ARV1: variants seen among roughly 807,000 people sequenced by gnomAD.
The protein encoded by ARV1 is protein ARV1.
Under a neutral mutation model 31.1 loss-of-function variants are expected in ARV1, and 26 were observed. The ratio of observed to expected loss-of-function variants is 0.84; its 90% confidence interval spans 0.61 to 1.16. The LOEUF is 1.16. ARV1 is among the 50% of genes most tolerant of loss of function. ARV1 has a pLI of 0.00. For missense variants in ARV1, 281 were observed against 324.9 expected (o/e 0.86, Z 1.04); for synonymous variants, 117 against 123.2 (o/e 0.95, Z 0.34).
chr1:230,990,307 C>T, intron 3 of ARV1, 44 bp downstream of exon 3: 1 of 1,599,134 alleles, frequency 6.3e-7, no homozygotes, highest in Non-Finnish European at 8.5e-7. Context: ...ACTATTCTTA[C>T]TTAACTAATC....
intron 1 of ARV1, among the ~76,000 whole-genome samples, chr1:230,988,070 T>C (rs1391125470): frequency 6.6e-6 from 1 of 152,244 alleles, no homozygotes; most frequent in African/African-American, 2.4e-5. Flanking sequence ...TTAAATTAGA[T>C]ATATTTTTAG....
chr1:230,993,209 G>A (rs543858653), intron 3 of ARV1, among the ~76,000 whole-genome samples: 28 of 152,082 alleles, frequency 1.8e-4, no homozygotes, highest in African/African-American at 5.8e-4. Flanking sequence ...CCCTGCCTCC[G>A]TCTCCTGAGT....
intron 1 of ARV1, 117 bp downstream of exon 1, chr1:230,979,396 G>A: frequency 3.4e-6 from 4 of 1,185,744 alleles, no homozygotes; most frequent in Non-Finnish European, 4.8e-6. Flanking sequence ...ATTCCCGCCC[G>A]GGATCTTTGC....
chr1:230,985,921 A>T (rs1008296306), intron 1 of ARV1, among the ~76,000 whole-genome samples: 2 of 148,380 alleles, frequency 1.3e-5, no homozygotes, highest in Non-Finnish European at 3.0e-5. Context: ...ATTAAGCAGA[A>T]TTTTTTTTTT....
chr1:230,995,966 A>T lies in ARV1; in HGVS notation c.655A>T (p.Asn219Tyr), dbSNP rs767939327. 2.5e-6 allele frequency: 4 copies of T among 1,613,090 alleles called. No homozygotes were observed. Among genetic ancestry groups the T allele is most frequent in the South Asian group, 1.1e-5 (1 of 90,860 alleles). Residue 219 changes from asparagine to tyrosine, a missense_variant, in exon 4 of 6, where the codon AAT (asparagine) becomes TAT (tyrosine). Physicochemically the swap from Asn to Tyr is moderately radical, Grantham distance 143. Coordinates refer to ENST00000310256, the MANE Select transcript of ARV1 (RefSeq NM_022786.3). ...KLIKVFVLTSNFQAIRVTLNI... is the reference protein window; with the variant it reads ...KLIKVFVLTSYFQAIRVTLNI... ...CATTAAAGTATTTGTTCTTACATCAAATTTTCAGGCAATTAGAGGTATGTT... is the reference window on the plus strand; with the variant it reads ...CATTAAAGTATTTGTTCTTACATCATATTTTCAGGCAATTAGAGGTATGTT...
chr1:230,991,040 T>C (rs554674918), intron 3 of ARV1, among the ~76,000 whole-genome samples: 22 of 152,336 alleles, frequency 1.4e-4, no homozygotes, highest in Non-Finnish European at 1.8e-4. Context: ...TTGTTACTTA[T>C]CTGAGTGCAT....
intron 4 of ARV1, among the ~76,000 whole-genome samples, chr1:230,996,384 A>C (rs1193003714): frequency 6.6e-6 from 1 of 152,222 alleles, no homozygotes; most frequent in Non-Finnish European, 1.5e-5. Flanking sequence ...TATATCAGGA[A>C]GAGCAGCCCT....
chr1:230,995,665 G>A, intron 3 of ARV1, 95 bp from the exon 4 acceptor site: 1 of 885,388 alleles, frequency 1.1e-6, no homozygotes, highest in Non-Finnish European at 1.7e-6. Context: ...GAAGTCAGCT[G>A]ATAAGCTGTA....
chr1:230,985,758 A>ATG (rs1305980416), intron 1 of ARV1, among the ~76,000 whole-genome samples: 1 of 152,084 alleles, frequency 6.6e-6, no homozygotes, highest in Non-Finnish European at 1.5e-5. Flanking sequence ...AAGGAAGGAG[A>ATG]TGTGTTCCAT....
chr1:230,982,542 A>G (rs1678937707), intron 1 of ARV1, among the ~76,000 whole-genome samples: 2 of 152,240 alleles, frequency 1.3e-5, no homozygotes, highest in South Asian at 2.1e-4. Flanking sequence ...GTTCCCTAAC[A>G]TGATACTCTT....
chr1:230,990,179 T>G lies in ARV1; in HGVS notation c.364T>G (p.Ser122Ala). The change falls in exon 3 of 6, where the codon TCC becomes GCC. Residue 122 changes from serine (S) to alanine (A), a missense_variant. Transcript: ENST00000310256. ...AYLRWWQLQD[S>A]NQNTAPDDLI... is the part of the protein sequence containing the mutation. ...CCTGAGGTGGTGGCAGCTTCAAGAT[T>G]CCAACCAGAATACTGCCCCTGATGA... The G allele has an allele frequency of 1.2e-6, 2 of 1,613,378 alleles. No individual in the cohort carries two copies. Among genetic ancestry groups the G allele is most frequent in the Non-Finnish European group, 1.7e-6 (2 of 1,179,878 alleles).
chr1:230,985,418 T>C (rs1012485792), intron 1 of ARV1, among the ~76,000 whole-genome samples: 3 of 152,224 alleles, frequency 2.0e-5, no homozygotes, highest in Non-Finnish European at 4.4e-5. Context: ...GGATAGAAAC[T>C]GTGGCTGAAG....
At chr1:230,991,003 T>C (rs1679214289) in intron 3 of ARV1, among the ~76,000 whole-genome samples, 1 of 152,202 alleles carries the variant, frequency 6.6e-6, no homozygotes, top group African/African-American at 2.4e-5. Context: ...TGCAGTGTAT[T>C]TAATAGGGTT....
At chr1:230,979,807 A>G (rs1266109176) in intron 1 of ARV1, among the ~76,000 whole-genome samples, 1 of 152,056 alleles carries the variant, frequency 6.6e-6, no homozygotes, top group East Asian at 1.9e-4. Context: ...AATACCTTGA[A>G]CTTTCTGATG....
chr1:230,991,981 C>T (rs996270285), intron 3 of ARV1, among the ~76,000 whole-genome samples: 6 of 152,196 alleles, frequency 3.9e-5, no homozygotes, highest in African/African-American at 1.4e-4. Context: ...GGCTGCCACA[C>T]TGTTGCAGGC....
chr1:230,980,482 C>G (rs1678849016), intron 1 of ARV1, among the ~76,000 whole-genome samples: 1 of 151,908 alleles, frequency 6.6e-6, no homozygotes, highest in Admixed American at 6.6e-5. Context: ...GATTACAGGC[C>G]TGCACCACCA....
At chr1:230,993,649 C>CTTTGGGAGG (rs1468595360) in intron 3 of ARV1, among the ~76,000 whole-genome samples, 1 of 152,140 alleles carries the variant, frequency 6.6e-6, no homozygotes, top group African/African-American at 2.4e-5. Context: ...AATCCCAGCA[C>CTTTGGGAGG]TTTGGGAGGC....
In ARV1 at chr1:231,000,566, C is replaced by G. The variant is rs1403106811; in HGVS notation, c.*433C>G. 4 of 152,092 alleles carry G rather than the reference C, an allele frequency of 2.6e-5. No homozygotes were observed. The highest frequency in any genetic ancestry group is 5.9e-5 in the Non-Finnish European group (4 of 68,016). The allele number at this position is 152,092 out of a possible 1,614,324, so 9.4% of individuals were successfully genotyped here. On this transcript the variant is annotated 3_prime_UTR_variant, in exon 6 of 6. Coordinates refer to ENST00000310256, the MANE Select transcript of ARV1 (RefSeq NM_022786.3). ...ATTTTGTGTTCTTACAATAGAAACG[C>G]TTTTAATAAAGTCTTTCAGAATAAA...
chr1:230,993,217 A>G (rs988091569), intron 3 of ARV1, among the ~76,000 whole-genome samples: 1 of 152,162 alleles, frequency 6.6e-6, no homozygotes, highest in Non-Finnish European at 1.5e-5. Context: ...CCGTCTCCTG[A>G]GTAGCTGGAA....
Sources: gnomAD v4.1 joint callset for allele counts (sites outside exome capture counted in the v4.1 genomes callset) on GRCh38, gnomAD v4.1.1 for gene constraint, MANE v1.5 for transcripts, NCBI Gene and HGNC (gene_info 2026-07-23, HGNC 2026-07-21) for gene names.